MYL7: variants seen among roughly 807,000 people sequenced by gnomAD.
MYL7 encodes myosin regulatory light chain 2, atrial isoform.
In MYL7, 27 loss-of-function variants were observed where a neutral mutation model predicts 22.5. That is an observed-to-expected ratio of 1.20 (90% CI 0.89 to 1.66). MYL7 has a LOEUF of 1.66. Ranked by LOEUF, MYL7 falls within the 40% of genes most tolerant of loss-of-function variation. The probability of loss-of-function intolerance (pLI) is 0.00; values close to 1 mark genes in which losing one functional copy is unlikely to be tolerated. For synonymous variants in MYL7, 81 were observed against 84.4 expected (o/e 0.96, Z 0.22); for missense variants, 209 against 226.8 (o/e 0.92, Z 0.50).
At chr7:44,139,491 A>C (rs2096262613) in intron 6 of MYL7, 30 bp downstream of exon 6, 2 of 1,612,242 alleles carry the variant, frequency 1.2e-6, no homozygotes, top group East Asian at 4.5e-5. Flanking sequence ...GGTGCTGGGG[A>C]TGAGTATTGA....
chr7:44,139,574 G>T lies in MYL7; in HGVS notation c.378-5C>A, dbSNP rs1483154592. On this transcript the variant is annotated splice_region_variant and splice_polypyrimidine_tract_variant and intron_variant, in intron 5 of 6. Coordinates refer to ENST00000223364, the MANE Select transcript of MYL7 (RefSeq NM_021223.3). The stretch of plus-strand genomic sequence containing the variant: ...GTCAGGAGAAGCTGCTTGAACCTGG[G>T]GGGTGAGGAGGGTCTGAGCAGGAGA... 4 of 1,604,414 alleles carry T rather than the reference G, an allele frequency of 2.5e-6. No homozygotes were observed. The highest frequency in any genetic ancestry group is 3.4e-5 in the Admixed American group (2 of 58,974).
intron 4 of MYL7, 117 bp downstream of exon 4, chr7:44,140,206 G>T: frequency 1.2e-6 from 1 of 823,262 alleles, no homozygotes; most frequent in Non-Finnish European, 2.0e-6. Flanking sequence ...GTTCAGTTAG[G>T]GTTCAGGTGG....
chr7:44,140,616 CA>C, intron 3 of MYL7, 95 bp downstream of exon 3: 1 of 1,321,796 alleles, frequency 7.6e-7, no homozygotes, highest in Non-Finnish European at 1.0e-6. Flanking sequence ...GGAGGGGAAG[CA>C]GGGGAGCAGA....
intron 3 of MYL7, 60 bp downstream of exon 3, chr7:44,140,652 C>T: frequency 6.6e-7 from 1 of 1,516,030 alleles, no homozygotes; most frequent in Non-Finnish European, 8.9e-7. Flanking sequence ...GCCACTCCCA[C>T]CCGCCCAGCA....
chr7:44,139,386 G>T, intron 6 of MYL7, 135 bp downstream of exon 6: 1 of 993,402 alleles, frequency 1.0e-6, no homozygotes. Flanking sequence ...GGTCTCAACA[G>T]AGATGGCACC....
In MYL7 at chr7:44,139,731, C is replaced by T. The variant is rs368788838; in HGVS notation, c.377+51G>A. ...GCCCCCCTCACTAGGGGCCTCACCCCGCTCTCTGCTTCCACCACGGTGCTC... is the reference window on the plus strand; with the variant it reads ...GCCCCCCTCACTAGGGGCCTCACCCTGCTCTCTGCTTCCACCACGGTGCTC... On this transcript the variant is annotated intron_variant, in intron 5 of 6. Transcript: ENST00000223364. 73 of 1,604,858 alleles carry T rather than the reference C, an allele frequency of 4.5e-5. 1 individual carries two copies. The highest frequency in any genetic ancestry group is 1.3e-4 in the South Asian group (12 of 90,220).
intron 2 of MYL7, 37 bp downstream of exon 2, chr7:44,140,924 A>G: frequency 6.3e-7 from 1 of 1,586,572 alleles, no homozygotes; most frequent in South Asian, 1.1e-5. Flanking sequence ...TGGGGGGGCC[A>G]GGATGGGATC....
intron 4 of MYL7, 66 bp from the exon 5 acceptor site, chr7:44,139,926 A>G: frequency 7.0e-7 from 1 of 1,425,450 alleles, no homozygotes; most frequent in Non-Finnish European, 9.5e-7. Flanking sequence ...CGCAGGAGGA[A>G]CTGGGCTGCA....
chr7:44,140,852 G>C, intron 2 of MYL7, 65 bp from the exon 3 acceptor site: 1 of 1,578,258 alleles, frequency 6.3e-7, no homozygotes, highest in Non-Finnish European at 8.6e-7. Flanking sequence ...AGGTGGGGGA[G>C]AGACCTGGGT....
intron 4 of MYL7, 80 bp downstream of exon 4, chr7:44,140,243 C>G: frequency 8.2e-7 from 1 of 1,214,350 alleles, no homozygotes; most frequent in South Asian, 1.2e-5. Flanking sequence ...AGGTGGGGTT[C>G]AGGCAGGGTT....
intron 1 of MYL7, 38 bp downstream of exon 1, chr7:44,141,265 G>C: frequency 6.2e-7 from 1 of 1,614,032 alleles, no homozygotes; most frequent in Admixed American, 1.7e-5. Context: ...GCCAGCACCT[G>C]GGAGACCGCT....
intron 4 of MYL7, 85 bp from the exon 5 acceptor site, chr7:44,139,945 C>A (rs1583582790): frequency 8.2e-7 from 1 of 1,215,436 alleles, no homozygotes; most frequent in Non-Finnish European, 1.1e-6. Flanking sequence ...CATGAGGAGC[C>A]TCCCACATCC....
At chr7:44,140,902 TGTGGG>T in intron 2 of MYL7, 54 bp downstream of exon 2, 4 of 615,814 alleles carry the variant, frequency 6.5e-6, no homozygotes, top group Non-Finnish European at 9.4e-6. Context: ...GGGGTATGTA[TGTGGG>T]GTGGGGTGGG....
intron 3 of MYL7, 109 bp downstream of exon 3, chr7:44,140,603 G>T: frequency 7.9e-7 from 1 of 1,258,480 alleles, no homozygotes; most frequent in Non-Finnish European, 1.1e-6. Context: ...GAGGAGACGG[G>T]GAGGAGGGGA....
chr7:44,140,381 C>A lies in MYL7; in HGVS notation c.240G>T (p.Glu80Asp), dbSNP rs1472532001. 6.2e-7 allele frequency: 1 copy of A among 1,614,016 alleles called. No individual in the cohort carries two copies. Among genetic ancestry groups the A allele is most frequent in the East Asian group, 2.2e-5 (1 of 44,836 alleles). The change falls in exon 4 of 7, where the codon GAG becomes GAT. Residue 80 changes from glutamate to aspartate, a missense_variant. Transcript: ENST00000223364. ...PEEELDAMLQEGKGPINFTVF... is the reference protein window; with the variant it reads ...PEEELDAMLQDGKGPINFTVF... ...CGGTGAAGTTGATGGGGCCCTTGCC[C>A]TCTTGCAGCATGGCGTCCAGCTCCT...
chr7:44,140,575 AG>A (rs1292261595), intron 3 of MYL7, 136 bp downstream of exon 3: 4 of 1,133,888 alleles, frequency 3.5e-6, no homozygotes, highest in East Asian at 5.1e-5. Context: ...AGGCGTGACA[AG>A]GGGGGAAGGG....
chr7:44,140,188 C>T (rs2096263531), intron 4 of MYL7, 135 bp downstream of exon 4: 1 of 715,628 alleles, frequency 1.4e-6, no homozygotes, highest in African/African-American at 1.8e-5. Context: ...CAGGTGGGTC[C>T]AGGTGGGGTT....
intron 3 of MYL7, 27 bp from the exon 4 acceptor site, chr7:44,140,454 C>T: frequency 1.3e-6 from 2 of 1,573,776 alleles, no homozygotes; most frequent in South Asian, 1.1e-5. Flanking sequence ...ATGAGGTGCA[C>T]ACAGGGACCC....
rs138710066 is a variant in MYL7, at chr7:44,138,984, C to T, written c.465G>A (p.Ala155=). The T allele has an allele frequency of 1.2e-5, 20 of 1,614,034 alleles. No individual in the cohort carries two copies. Among genetic ancestry groups the T allele is most frequent in the African/African-American group, 1.3e-5 (1 of 74,912 alleles). Residue 155 remains alanine (A), a synonymous_variant, in exon 7 of 7, where the codon GCG becomes GCA. Coordinates refer to ENST00000223364, the MANE Select transcript of MYL7 (RefSeq NM_021223.3). ...ACAGTGACTTGTAGTCGATGTTCCC[C>T]GCCAGGTCCATGGGTGTCAGGGCGA... is the stretch of plus-strand genomic sequence containing the variant. ...QMFALTPMDL[A]GNIDYKSLCY... is the part of the protein sequence containing the mutation.
Sources: allele counts gnomAD v4.1 joint callset, GRCh38; gene constraint gnomAD v4.1.1; transcripts MANE v1.5; gene names NCBI Gene and HGNC (gene_info 2026-07-23, HGNC 2026-07-21).